The following LDLRAD4 variants were observed in gnomAD, a reference collection of about 807,000 sequenced individuals.
LDLRAD4 encodes the protein low-density lipoprotein receptor class A domain-containing protein 4.
Under a neutral mutation model 17.0 loss-of-function variants are expected in LDLRAD4, and 5 were observed. The observed-to-expected ratio is 0.29, with a 90% CI of 0.15 to 0.62. LDLRAD4 has a LOEUF of 0.62. Ranked by LOEUF, LDLRAD4 falls within the 20% of genes least tolerant of loss-of-function variation. LDLRAD4 has a pLI of 0.84. For synonymous variants in LDLRAD4, 168 were observed against 171.8 expected, an observed-to-expected ratio of 0.98 and a Z score of 0.17; for missense variants, 340 against 424.7, an observed-to-expected ratio of 0.80 and a Z score of 1.75.
intron 2 of LDLRAD4, among the ~76,000 whole-genome samples, chr18:13,427,134 C>T (rs548505892): frequency 1.7e-4 from 26 of 152,144 alleles, no homozygotes; most frequent in Non-Finnish European, 2.5e-4. Context: ...TGCAGTGAGC[C>T]GAGATTGCGC....
chr18:13,400,437 A>T (rs2087075859), intron 2 of LDLRAD4, among the ~76,000 whole-genome samples: 1 of 152,164 alleles, frequency 6.6e-6, no homozygotes, highest in Admixed American at 6.5e-5. Context: ...GGGTAGGCCC[A>T]CCTGTCATGG....
In LDLRAD4 at chr18:13,360,945, A is replaced by G. The variant is rs931854566; in HGVS notation, c.-382-26396A>G. The stretch of plus-strand genomic sequence containing the variant: ...GGAGGCAGATGAGTGGGAACTGAGT[A>G]TAAAAACTCCACCACACTTTGCATT... On this transcript the variant is annotated intron_variant, in intron 1 of 5. Transcript: ENST00000359446. Among the ~76,000 whole-genome samples, 4 of 152,344 alleles carry G rather than the reference A, an allele frequency of 2.6e-5. No homozygotes were observed. In the East Asian group the frequency reaches 7.7e-4, roughly 29 times the overall value.
intron 2 of LDLRAD4, among the ~76,000 whole-genome samples, chr18:13,428,100 A>C (rs1390092103): frequency 1.3e-5 from 2 of 152,246 alleles, no homozygotes; most frequent in African/African-American, 4.8e-5. Flanking sequence ...GCCCTCATGT[A>C]GTTTATGCTC....
At chr18:13,496,410 A>G (rs2093470720) in intron 3 of LDLRAD4, among the ~76,000 whole-genome samples, 1 of 152,208 alleles carries the variant, frequency 6.6e-6, no homozygotes, top group African/African-American at 2.4e-5. Context: ...TGAGGTTTCT[A>G]CAGGCAATAG....
At chr18:13,561,273 G>A (rs1601394395) in intron 3 of LDLRAD4, 1 of 152,168 alleles carries the variant, frequency 6.6e-6, no homozygotes, top group East Asian at 1.9e-4. Flanking sequence ...TTTTGGAAAT[G>A]GGCTTCCGTT....
At chr18:13,489,365 C>A (rs2093311999) in intron 3 of LDLRAD4, 1 of 152,194 alleles carries the variant, frequency 6.6e-6, no homozygotes, top group African/African-American at 2.4e-5. Flanking sequence ...GTTGGTCAGG[C>A]TGGTCTCGAA....
chr18:13,621,387 C>A lies in LDLRAD4; in HGVS notation c.336+116C>A. On this transcript the variant is annotated intron_variant, in intron 4 of 5. Transcript: ENST00000359446. The surrounding 1 kb of genome is among the most constrained non-coding windows in gnomAD (Gnocchi z 5.5). Reference sequence around the variant, plus strand: ...TTGACATGTAACAAACGGGGCGAAGCGCACCTCGTAAGTGTTCCACTTAGT... The same window carrying A: ...TTGACATGTAACAAACGGGGCGAAGAGCACCTCGTAAGTGTTCCACTTAGT... The A allele has an allele frequency of 2.7e-6, 2 of 745,234 alleles. No individual in the cohort carries two copies. Among genetic ancestry groups the A allele is most frequent in the Non-Finnish European group, 4.5e-6 (2 of 443,246 alleles). 46.2% of individuals were successfully genotyped at this position (745,234 alleles called of 1,614,324 possible).
intron 3 of LDLRAD4, among the ~76,000 whole-genome samples, chr18:13,539,549 C>G (rs1431442240): frequency 6.6e-6 from 1 of 152,170 alleles, no homozygotes; most frequent in Admixed American, 6.5e-5. Flanking sequence ...CACCCCCTTT[C>G]CTCCTCTTTC....
chr18:13,611,975 A>G (rs766333379), intron 3 of LDLRAD4: 17 of 985,352 alleles, frequency 1.7e-5, no homozygotes, highest in Non-Finnish European at 1.8e-5. Context: ...GGGTGCTCCC[A>G]GCCGGGCGAG....
intron 1 of LDLRAD4, among the ~76,000 whole-genome samples, chr18:13,242,531 A>G (rs565434319): frequency 3.5e-4 from 53 of 152,312 alleles, no homozygotes; most frequent in African/African-American, 1.3e-3. Flanking sequence ...GAGGTTGGTA[A>G]TATTTTACCC....
intron 3 of LDLRAD4, among the ~76,000 whole-genome samples, chr18:13,457,555 G>A (rs543824787): frequency 2.6e-5 from 4 of 152,316 alleles, no homozygotes; most frequent in South Asian, 4.1e-4. Flanking sequence ...GCTGAAAGGC[G>A]GACAGAAAGG....
At position 13,535,120 on chromosome 18, in the gene LDLRAD4, A is replaced by C. The variant is rs565668762; in HGVS notation, c.182-85997A>C. 3.9e-5 allele frequency among the ~76,000 whole-genome samples: 6 copies of C among 152,288 alleles called. No individual in the cohort carries two copies. In the South Asian group the frequency reaches 8.3e-4, roughly 21 times the overall value. On this transcript the variant is annotated intron_variant, in intron 3 of 5. Transcript: ENST00000359446. ...TTGTTTCCAGTTTGGGGCTATTAGAAATAATATTTCTGTGAATATTCACAT... is the reference window on the plus strand; with the variant it reads ...TTGTTTCCAGTTTGGGGCTATTAGACATAATATTTCTGTGAATATTCACAT...
At chr18:13,551,451 C>T (rs80135092) in intron 3 of LDLRAD4, among the ~76,000 whole-genome samples, 1,831 of 152,252 alleles carry the variant, frequency 0.012, 36 homozygotes, top group African/African-American at 0.042. Flanking sequence ...GCCAGGCTGC[C>T]GAGGCCTCGG....
intron 3 of LDLRAD4, chr18:13,612,050 G>A (rs1053324012): frequency 3.0e-6 from 3 of 985,422 alleles, no homozygotes; most frequent in Non-Finnish European, 3.6e-6. Context: ...CCCGCCTGTC[G>A]CGTGTCCTGC....
chr18:13,611,826 G>A (rs891673586), intron 3 of LDLRAD4: 5 of 985,534 alleles, frequency 5.1e-6, no homozygotes, highest in Non-Finnish European at 4.8e-6. Context: ...TTCCTGCTGC[G>A]GTTAGGACCT....
intron 3 of LDLRAD4, among the ~76,000 whole-genome samples, chr18:13,505,105 T>G (rs2093670274): frequency 6.6e-6 from 1 of 152,190 alleles, no homozygotes; most frequent in Admixed American, 6.5e-5. Context: ...GAGATGGTGA[T>G]TCCTTCTGAA....
intron 3 of LDLRAD4, among the ~76,000 whole-genome samples, chr18:13,452,106 G>C (rs1268606286): frequency 6.6e-6 from 1 of 152,206 alleles, no homozygotes; most frequent in African/African-American, 2.4e-5. Context: ...TGAGAGTAGG[G>C]ACTGGGCCTA....
chr18:13,567,673 T>C (rs2148300247), intron 3 of LDLRAD4, among the ~76,000 whole-genome samples: 1 of 152,232 alleles, frequency 6.6e-6, no homozygotes, highest in Admixed American at 6.5e-5. Flanking sequence ...TTTCCATTCA[T>C]CTGACAGGTC....
At chr18:13,400,472 G>A (rs2087081311) in intron 2 of LDLRAD4, among the ~76,000 whole-genome samples, 1 of 152,174 alleles carries the variant, frequency 6.6e-6, no homozygotes, top group African/African-American at 2.4e-5. Context: ...TGCTGGGTGT[G>A]GGGCCCAGAC....
Sources: allele counts gnomAD v4.1 joint callset (sites outside exome capture counted in the v4.1 genomes callset), GRCh38; gene constraint gnomAD v4.1.1; non-coding constraint Gnocchi (gnomAD v3.1); transcripts MANE v1.5; gene names NCBI Gene and HGNC (gene_info 2026-07-23, HGNC 2026-07-21).